The following CDH12 variants were observed in gnomAD, a reference collection of about 807,000 sequenced individuals.
CDH12 encodes cadherin 12.
A neutral mutation model predicts 74.1 loss-of-function variants in CDH12; 41 were observed. That is an observed-to-expected ratio of 0.55 (90% CI 0.43 to 0.72). The LOEUF (loss-of-function observed/expected upper bound fraction) is 0.72, where lower values mean the gene tolerates loss of function less well. Ranked by LOEUF, CDH12 falls within the 30% of genes least tolerant of loss-of-function variation. CDH12 has a pLI of 0.00. For missense variants in CDH12, 945 were observed against 977.2 expected, an observed-to-expected ratio of 0.97 and a Z score of 0.44; for synonymous variants, 399 against 355.0, an observed-to-expected ratio of 1.12 and a Z score of -1.39.
chr5:21,926,197 A>T (rs1055424064), intron 6 of CDH12, among the ~76,000 whole-genome samples: 3 of 152,154 alleles, frequency 2.0e-5, no homozygotes, highest in Non-Finnish European at 4.4e-5. Context: ...ATGCAGTTGA[A>T]TTTTATAAAC....
chr5:22,167,038 A>T (rs1472962153), intron 4 of CDH12, among the ~76,000 whole-genome samples: 1 of 152,170 alleles, frequency 6.6e-6, no homozygotes, highest in African/African-American at 2.4e-5. Flanking sequence ...GTGTTTTCCA[A>T]CTGAGCATAA....
intron 1 of CDH12, among the ~76,000 whole-genome samples, chr5:22,575,993 G>T (rs1739771447): frequency 6.6e-6 from 1 of 151,956 alleles, no homozygotes; most frequent in African/African-American, 2.4e-5. Context: ...CAAAGTGCTG[G>T]ACATGACCAC....
intron 5 of CDH12, among the ~76,000 whole-genome samples, chr5:22,064,872 T>G (rs1741452328): frequency 2.6e-5 from 4 of 152,172 alleles, no homozygotes; most frequent in Admixed American, 2.6e-4. Context: ...GAAAAAACCC[T>G]AGACTTTCAT....
intron 3 of CDH12, among the ~76,000 whole-genome samples, chr5:22,226,080 CT>C (rs199559472): frequency 6.6e-6 from 1 of 151,638 alleles, no homozygotes; most frequent in Admixed American, 6.6e-5. Flanking sequence ...CTTCCCTTTT[CT>C]TTTTTTTAAC....
At chr5:22,452,855 A>G (rs1745098398) in intron 2 of CDH12, among the ~76,000 whole-genome samples, 1 of 147,056 alleles carries the variant, frequency 6.8e-6, no homozygotes, top group Admixed American at 6.9e-5. Context: ...GAGAATATAT[A>G]TAAGAAACTC....
At chr5:22,650,167 T>C (rs956267422) in intron 1 of CDH12, among the ~76,000 whole-genome samples, 76 of 152,128 alleles carry the variant, frequency 5.0e-4, no homozygotes, top group African/African-American at 1.7e-3. Flanking sequence ...AAATAAGTGC[T>C]AGAAAATGAT....
chr5:22,116,899 AC>A (rs1745150782), intron 4 of CDH12, among the ~76,000 whole-genome samples: 1 of 136,314 alleles, frequency 7.3e-6, no homozygotes, highest in Non-Finnish European at 1.5e-5. Context: ...ATGCCAGTGA[AC>A]TTTTTCCATC....
At chr5:21,950,086 G>A (rs1755781035) in intron 6 of CDH12, among the ~76,000 whole-genome samples, 1 of 152,032 alleles carries the variant, frequency 6.6e-6, no homozygotes. Flanking sequence ...ATTTTTTACT[G>A]TACCTTTTTT....
chr5:22,398,605 C>T (rs1742570680), intron 3 of CDH12, among the ~76,000 whole-genome samples: 2 of 152,158 alleles, frequency 1.3e-5, no homozygotes, highest in Non-Finnish European at 2.9e-5. Flanking sequence ...CACGCATCCT[C>T]TTCTTTTCCC....
At chr5:22,652,802 G>A (rs1000216474) in intron 1 of CDH12, among the ~76,000 whole-genome samples, 4 of 152,052 alleles carry the variant, frequency 2.6e-5, no homozygotes, top group Admixed American at 1.3e-4. Context: ...GGATTTCAAG[G>A]GAGTTAGATA....
intron 1 of CDH12, among the ~76,000 whole-genome samples, chr5:22,774,078 C>G (rs755386457): frequency 6.6e-6 from 1 of 152,062 alleles, no homozygotes; most frequent in Non-Finnish European, 1.5e-5. Flanking sequence ...GGAGATTTCT[C>G]AAGGAGTTTG....
At chr5:21,754,879 A>T (rs1022083009) in intron 14 of CDH12, among the ~76,000 whole-genome samples, 62 of 152,228 alleles carry the variant, frequency 4.1e-4, no homozygotes, top group African/African-American at 1.5e-3. Context: ...AACAGAGTTC[A>T]TGGAAGAGGG....
chr5:22,136,154 A>G (rs1746448612), intron 4 of CDH12, among the ~76,000 whole-genome samples: 1 of 151,996 alleles, frequency 6.6e-6, no homozygotes, highest in African/African-American at 2.4e-5. Flanking sequence ...AGAGAAGTAG[A>G]GCAGGAAAAA....
Position 21,812,050 on chromosome 5 carries a change from A to G in CDH12, c.1002+4895T>C, listed in dbSNP as rs1033694151. 2.2e-4 allele frequency among the ~76,000 whole-genome samples: 33 copies of G among 152,066 alleles called. 1 individual carries two copies. Among genetic ancestry groups the G allele is most frequent in the African/African-American group, 7.0e-4 (29 of 41,444 alleles). ...ATACAGGAAATAGACAGAGGAGAAA[A>G]TAGTGAAAGAAAAGCAAATAAAAGA... On this transcript the variant is annotated intron_variant, in intron 9 of 14. Transcript: ENST00000382254.
chr5:22,098,780 T>G (rs1266289923), intron 4 of CDH12, among the ~76,000 whole-genome samples: 1 of 152,100 alleles, frequency 6.6e-6, no homozygotes, highest in East Asian at 1.9e-4. Flanking sequence ...TGTCCCCGTA[T>G]TTCCTTCTTT....
intron 1 of CDH12, among the ~76,000 whole-genome samples, chr5:22,834,425 G>C: frequency 6.6e-6 from 1 of 152,106 alleles, no homozygotes; most frequent in East Asian, 1.9e-4. Flanking sequence ...AGTTCTCCTA[G>C]GTGTGTAGTA....
intron 5 of CDH12, among the ~76,000 whole-genome samples, chr5:21,995,660 C>T (rs1415471483): frequency 6.6e-6 from 1 of 151,734 alleles, no homozygotes; most frequent in Non-Finnish European, 1.5e-5. Flanking sequence ...GGAAGTATCA[C>T]CGTAATTCAC....
intron 2 of CDH12, among the ~76,000 whole-genome samples, chr5:22,482,267 C>T (rs1746413057): frequency 6.6e-6 from 1 of 152,044 alleles, no homozygotes; most frequent in Admixed American, 6.6e-5. Flanking sequence ...AGTAGACTTC[C>T]TCATATATTT....
chr5:21,862,836 T>A (rs1200888942), intron 6 of CDH12, among the ~76,000 whole-genome samples: 1 of 152,162 alleles, frequency 6.6e-6, no homozygotes, highest in Admixed American at 6.5e-5. Flanking sequence ...TAATTGCATG[T>A]GCTCTTGCTT....
Sources: gnomAD v4.1 joint callset for allele counts (sites outside exome capture counted in the v4.1 genomes callset) on GRCh38, gnomAD v4.1.1 for gene constraint, MANE v1.5 for transcripts, NCBI Gene and HGNC (gene_info 2026-07-23, HGNC 2026-07-21) for gene names.